LMO7: variants seen among roughly 807,000 people sequenced by gnomAD.
The protein encoded by LMO7 is LIM domain 7, also known as LIM domain only protein 7.
LMO7 carries 120 observed loss-of-function variants against 206.5 expected under a neutral mutation model. The ratio of observed to expected loss-of-function variants is 0.58; its 90% CI spans 0.50 to 0.68. The LOEUF (loss-of-function observed/expected upper bound fraction) is 0.68, where lower values mean the gene tolerates loss of function less well. LMO7 is among the 30% of genes least tolerant of loss of function. The probability of loss-of-function intolerance (pLI) is 0.00; values close to 1 mark genes in which losing one functional copy is unlikely to be tolerated. For synonymous variants in LMO7, 706 were observed against 681.5 expected, an observed-to-expected ratio of 1.04 and a Z score of -0.56; for missense variants, 1,959 against 1,957.9, an observed-to-expected ratio of 1.00 and a Z score of -0.01.
At chr13:75,845,584 G>A (rs2059925120) in intron 26 of LMO7, among the ~76,000 whole-genome samples, 1 of 152,114 alleles carries the variant, frequency 6.6e-6, no homozygotes, top group Non-Finnish European at 1.5e-5. Flanking sequence ...AAAAATACTG[G>A]GAGATTAAAA....
rs1256445676 is a variant in LMO7, at chr13:75,649,563, G to T, written c.69+12837G>T. Among the ~76,000 whole-genome samples, 11 of 152,184 alleles carry T rather than the reference G, an allele frequency of 7.2e-5. 1 individual carries two copies. The highest frequency in any genetic ancestry group is 7.2e-4 in the Admixed American group (11 of 15,278). On this transcript the variant is annotated intron_variant, in intron 1 of 30. Coordinates refer to ENST00000377534, the MANE Select transcript of LMO7 (RefSeq NM_001306080.2). ...GATTTGTTGAAAGTATAGATTTGGA[G>T]TGTTGGTGTGGGAGCCAAACCAAGC...
At chr13:75,726,192 T>G (rs938551344) in intron 2 of LMO7, among the ~76,000 whole-genome samples, 4 of 152,064 alleles carry the variant, frequency 2.6e-5, no homozygotes, top group African/African-American at 9.7e-5. Flanking sequence ...AAGCTAACAT[T>G]AATAGAAAAG....
intron 2 of LMO7, among the ~76,000 whole-genome samples, chr13:75,721,357 G>GT (rs762998923): frequency 2.6e-5 from 4 of 151,926 alleles, no homozygotes; most frequent in Non-Finnish European, 4.4e-5. Context: ...GAAATGCCAG[G>GT]TTTTTTTTGC....
intron 4 of LMO7, among the ~76,000 whole-genome samples, chr13:75,776,126 C>CATATATATAT (rs71127581): frequency 1.4e-5 from 1 of 73,826 alleles, no homozygotes; most frequent in East Asian, 4.5e-4. Context: ...TACATACATA[C>CATATATATAT]ATATATATAT....
intron 1 of LMO7, among the ~76,000 whole-genome samples, chr13:75,694,764 C>A (rs1313055213): frequency 6.6e-6 from 1 of 151,986 alleles, no homozygotes; most frequent in Non-Finnish European, 1.5e-5. Flanking sequence ...TAAGGGCACT[C>A]CAGGGCAAAT....
At chr13:75,684,563 T>TG (rs2139550656) in intron 1 of LMO7, among the ~76,000 whole-genome samples, 4 of 151,642 alleles carry the variant, frequency 2.6e-5, no homozygotes, top group African/African-American at 9.7e-5. Context: ...TTTTTTTTTT[T>TG]TTTAAACAAG....
chr13:75,830,419 A>G (rs1337453416), intron 15 of LMO7, among the ~76,000 whole-genome samples: 1 of 152,112 alleles, frequency 6.6e-6, no homozygotes, highest in Non-Finnish European at 1.5e-5. Flanking sequence ...GCTACTTAAA[A>G]CCAAAATTAA....
intron 1 of LMO7, among the ~76,000 whole-genome samples, chr13:75,658,019 A>C (rs1473132676): frequency 6.7e-6 from 1 of 150,088 alleles, no homozygotes; most frequent in Non-Finnish European, 1.5e-5. Context: ...TGTTTGTGTG[A>C]GGTATGAGAA....
At chr13:75,620,748 A>T (rs375337932) in exon 1 of LMO7, 80 of 152,292 alleles carry the variant, frequency 5.3e-4, no homozygotes, top group African/African-American at 1.9e-3. Context: ...TAATTTTCCA[A>T]ATATCCAATT....
intron 6 of LMO7, among the ~76,000 whole-genome samples, chr13:75,800,291 G>A (rs1394056483): frequency 6.6e-6 from 1 of 152,268 alleles, no homozygotes; most frequent in East Asian, 1.9e-4. Flanking sequence ...GTTAAGGTTA[G>A]TTTTTCTTTT....
chr13:75,777,740 G>A (rs2140226974), intron 4 of LMO7, among the ~76,000 whole-genome samples: 1 of 150,500 alleles, frequency 6.6e-6, no homozygotes, highest in South Asian at 2.1e-4. Flanking sequence ...CCGCCTCCCG[G>A]GTTCATGCCA....
intron 1 of LMO7, among the ~76,000 whole-genome samples, chr13:75,664,814 C>T (rs554689764): frequency 1.3e-5 from 2 of 152,270 alleles, no homozygotes; most frequent in African/African-American, 4.8e-5. Context: ...TTTTCTAGTT[C>T]TTCAGTTGCA....
In LMO7 at chr13:75,636,549, G is replaced by T. The variant is rs1429553550; in HGVS notation, c.-109G>T. On this transcript the variant is annotated 5_prime_UTR_variant, in exon 1 of 31. Transcript: ENST00000377534. ...GCCTTCGCAGCCGGAGCGGAAGCCG[G>T]AGTTGTGGGAGGCCCGCGTGCCCTC... 6.6e-7 allele frequency: 1 copy of T among 1,526,646 alleles called. No individual in the cohort carries two copies. Among genetic ancestry groups the T allele is most frequent in the Non-Finnish European group, 8.7e-7 (1 of 1,143,624 alleles). 94.6% of individuals were successfully genotyped at this position (1,526,646 alleles called of 1,614,324 possible).
chr13:75,775,770 G>A (rs1053778244), intron 4 of LMO7, among the ~76,000 whole-genome samples: 4 of 151,950 alleles, frequency 2.6e-5, no homozygotes, highest in Non-Finnish European at 5.9e-5. Context: ...ATACCAGTCA[G>A]AATGGCTATT....
At chr13:75,725,872 A>G (rs1389925270) in intron 2 of LMO7, among the ~76,000 whole-genome samples, 6 of 152,074 alleles carry the variant, frequency 3.9e-5, no homozygotes, top group Non-Finnish European at 8.8e-5. Flanking sequence ...ATCCTGTTGA[A>G]CAACATTCTG....
At chr13:75,826,139 GA>G (rs2058093450) in intron 15 of LMO7, among the ~76,000 whole-genome samples, 1 of 151,954 alleles carries the variant, frequency 6.6e-6, no homozygotes, top group Non-Finnish European at 1.5e-5. Context: ...CTCCTGGACT[GA>G]AGCAATCCTC....
At chr13:75,658,945 A>G (rs1360903372) in intron 1 of LMO7, among the ~76,000 whole-genome samples, 3 of 152,166 alleles carry the variant, frequency 2.0e-5, no homozygotes, top group Non-Finnish European at 2.9e-5. Flanking sequence ...AAGTTTTTCT[A>G]TTCAGGAACT....
intron 1 of LMO7, among the ~76,000 whole-genome samples, chr13:75,669,395 G>C (rs9593115): frequency 0.21 from 31,634 of 152,056 alleles, 3,809 homozygotes; most frequent in Admixed American, 0.35. Flanking sequence ...CGCCAAATCT[G>C]TATGTTATCC....
intron 3 of LMO7, among the ~76,000 whole-genome samples, chr13:75,744,506 G>A (rs1256898906): frequency 1.3e-5 from 2 of 152,092 alleles, no homozygotes; most frequent in African/African-American, 2.4e-5. Flanking sequence ...TATTTGAGTA[G>A]GATTATATCA....
Sources: allele counts gnomAD v4.1 joint callset (sites outside exome capture counted in the v4.1 genomes callset), GRCh38; gene constraint gnomAD v4.1.1; transcripts MANE v1.5; gene names NCBI Gene and HGNC (gene_info 2026-07-23, HGNC 2026-07-21).